CREB5: variants seen among roughly 807,000 people sequenced by gnomAD.
CREB5 encodes cAMP responsive element binding protein 5.
A neutral mutation model predicts 57.1 loss-of-function variants in CREB5; 19 were observed. The observed-to-expected ratio is 0.33, with a 90% CI of 0.23 to 0.49. The LOEUF is 0.49. Among genes scored for constraint, CREB5 ranks in the 20% least tolerant of loss-of-function variants. The probability of loss-of-function intolerance (pLI) is 0.99; values close to 1 mark genes in which losing one functional copy is unlikely to be tolerated. For synonymous variants in CREB5, 238 were observed against 238.3 expected (o/e 1.00, Z 0.01); for missense variants, 579 against 671.6 (o/e 0.86, Z 1.52).
At chr7:28,555,547 A>G (rs1400758734) in intron 4 of CREB5, among the ~76,000 whole-genome samples, 2 of 152,218 alleles carry the variant, frequency 1.3e-5, no homozygotes, top group African/African-American at 2.4e-5. Context: ...AGCAAACTAT[A>G]TAGGTGTGAA....
At position 28,484,836 on chromosome 7, in the gene CREB5, T is replaced by C. The variant is rs373581075; in HGVS notation, c.4-3339T>C. On this transcript the variant is annotated intron_variant, in intron 1 of 10. Coordinates refer to ENST00000357727, the MANE Select transcript of CREB5 (RefSeq NM_182898.4). ...CTGACATATCTCAGTGGCTAACAGATTAGATTGCTCATATTCCTCTAAACA... is the reference window on the plus strand; with the variant it reads ...CTGACATATCTCAGTGGCTAACAGACTAGATTGCTCATATTCCTCTAAACA... Among the ~76,000 whole-genome samples, 9 of 152,196 alleles carry C rather than the reference T, an allele frequency of 5.9e-5. No individual in the cohort carries two copies. In the East Asian group the frequency reaches 1.2e-3, roughly 20 times the overall value.
chr7:28,456,974 C>A (rs565102001), intron 1 of CREB5, among the ~76,000 whole-genome samples: 179 of 152,268 alleles, frequency 1.2e-3, no homozygotes, highest in African/African-American at 4.3e-3. Flanking sequence ...GCCAAGGAAG[C>A]CCAAGAACAT....
At chr7:28,383,101 C>T (rs1786997832) in intron 1 of CREB5, among the ~76,000 whole-genome samples, 1 of 152,090 alleles carries the variant, frequency 6.6e-6, no homozygotes, top group South Asian at 2.1e-4. Flanking sequence ...ATAGATTCTA[C>T]AGAATGAAGC....
At chr7:28,386,279 T>C (rs981412118) in intron 1 of CREB5, among the ~76,000 whole-genome samples, 2 of 152,254 alleles carry the variant, frequency 1.3e-5, no homozygotes, top group Admixed American at 6.5e-5. Flanking sequence ...GTGTAAAATG[T>C]ATTTTACCCT....
At chr7:28,430,151 T>G (rs1238031170) in intron 1 of CREB5, among the ~76,000 whole-genome samples, 1 of 152,238 alleles carries the variant, frequency 6.6e-6, no homozygotes, top group Non-Finnish European at 1.5e-5. Flanking sequence ...GGATACATAT[T>G]TGTGTATTAC....
In CREB5 at chr7:28,809,407, A is replaced by G; in HGVS notation, c.1247A>G (p.Gln416Arg). ...GAAGAACTCACCCAGACAAACATGC[A>G]GCTTCAGGTGCAGCCCACGGTGTCT... Reference protein sequence around the residue: ...KAEELTQTNMQLQNEVSMLKN... With the variant: ...KAEELTQTNMRLQNEVSMLKN... The change falls in exon 9 of 11, where the codon CAG becomes CGG. Residue 416 changes from glutamine to arginine, a missense_variant. Gln to Arg is a conservative substitution (Grantham distance 43). This residue lies in a region of CREB5 where 114 missense variants were observed against 130.8 expected (regional missense o/e 0.87). Coordinates refer to ENST00000357727, the MANE Select transcript of CREB5 (RefSeq NM_182898.4). 1 of 1,611,324 alleles carries G rather than the reference A, an allele frequency of 6.2e-7. No individual in the cohort carries two copies. The highest frequency in any genetic ancestry group is 8.5e-7 in the Non-Finnish European group (1 of 1,178,698).
chr7:28,552,783 G>T (rs1332555816), intron 4 of CREB5, among the ~76,000 whole-genome samples: 5 of 152,196 alleles, frequency 3.3e-5, no homozygotes, highest in Admixed American at 3.3e-4. Context: ...GTCCACTAGG[G>T]ATGGCTTTTG....
chr7:28,306,855 C>T lies in CREB5; in HGVS notation c.-25+7414C>T, dbSNP rs547249560. ...GGATTACAGGCGTGAGCCACCGCGC[C>T]CGGCCACAGATACAGTTTTATAGAT... On this transcript the variant is annotated intron_variant, in intron 1 of 9. Transcript: ENST00000396299. 3.3e-5 allele frequency among the ~76,000 whole-genome samples: 5 copies of T among 152,200 alleles called. No individual in the cohort carries two copies. In the South Asian group the frequency reaches 1.0e-3, roughly 32 times the overall value.
At chr7:28,815,020 C>T (rs930778856) in intron 9 of CREB5, among the ~76,000 whole-genome samples, 10 of 152,188 alleles carry the variant, frequency 6.6e-5, no homozygotes, top group African/African-American at 1.9e-4. Flanking sequence ...CCTGTAATCC[C>T]AGCACTTGGG....
intron 3 of CREB5, among the ~76,000 whole-genome samples, chr7:28,496,101 G>C (rs1792031835): frequency 6.6e-6 from 1 of 152,134 alleles, no homozygotes; most frequent in Non-Finnish European, 1.5e-5. Context: ...GGGAATGATT[G>C]TGTCTGCCAA....
chr7:28,645,839 G>A (rs1006408607), intron 5 of CREB5, among the ~76,000 whole-genome samples: 1 of 152,172 alleles, frequency 6.6e-6, no homozygotes, highest in African/African-American at 2.4e-5. Context: ...TTAGCATTTG[G>A]ATCAGTAGAC....
intron 4 of CREB5, among the ~76,000 whole-genome samples, chr7:28,540,490 G>C (rs948024720): frequency 1.3e-5 from 2 of 152,124 alleles, no homozygotes; most frequent in African/African-American, 4.8e-5. Context: ...GGCTGCACAA[G>C]GGATACGGGA....
chr7:28,402,288 C>A (rs42703), intron 1 of CREB5, among the ~76,000 whole-genome samples: 150,535 of 152,306 alleles, frequency 0.99, 74,409 homozygotes, highest in East Asian at 1. Flanking sequence ...AATTTGTTTA[C>A]GTTCTTTGTA....
intron 6 of CREB5, among the ~76,000 whole-genome samples, chr7:28,720,559 G>A (rs952549167): frequency 6.6e-6 from 1 of 152,144 alleles, no homozygotes; most frequent in Admixed American, 6.5e-5. Flanking sequence ...GGGGAACGGC[G>A]AAGGGCCCGC....
intron 5 of CREB5, among the ~76,000 whole-genome samples, chr7:28,715,028 T>C (rs1276311077): frequency 6.6e-6 from 1 of 152,206 alleles, no homozygotes; most frequent in Non-Finnish European, 1.5e-5. Flanking sequence ...GTCTAACTGA[T>C]GTGTTGTTTG....
chr7:28,673,821 A>T (rs1800183969), intron 5 of CREB5, among the ~76,000 whole-genome samples: 1 of 151,744 alleles, frequency 6.6e-6, no homozygotes, highest in Admixed American at 6.6e-5. Flanking sequence ...CTACAGGCGT[A>T]CACCACCACA....
intron 7 of CREB5, among the ~76,000 whole-genome samples, chr7:28,726,124 G>T (rs1803322977): frequency 6.6e-6 from 1 of 152,128 alleles, no homozygotes; most frequent in African/African-American, 2.4e-5. Context: ...CCCCACAAAT[G>T]TTTGTTGGGT....
Position 28,560,903 on chromosome 7 carries a change from C to CGT in CREB5, c.292-9461_292-9460insTG, listed in dbSNP as rs1477125869. 9.3e-3 allele frequency among the ~76,000 whole-genome samples: 244 copies of CGT among 26,128 alleles called. 18 individuals are homozygous for CGT. Among genetic ancestry groups the CGT allele is most frequent in the Middle Eastern group, 0.028 (1 of 36 alleles). The allele number at this position is 26,128 out of a possible 152,430, so 17.1% of individuals were successfully genotyped here. ...GCGTGCGTGCGTGTGTGTGCGTGCG[C>CGT]GCGTGCGTGTGCGTGTGTGCGCGTG... On this transcript the variant is annotated intron_variant, in intron 4 of 10. Coordinates refer to ENST00000357727, the MANE Select transcript of CREB5 (RefSeq NM_182898.4).
At chr7:28,309,787 A>G (rs1219231270) in intron 1 of CREB5, among the ~76,000 whole-genome samples, 3 of 152,210 alleles carry the variant, frequency 2.0e-5, no homozygotes, top group Non-Finnish European at 4.4e-5. Context: ...AAGCCACATC[A>G]TAGCTCCTGG....
Sources: gnomAD v4.1 joint callset for allele counts (sites outside exome capture counted in the v4.1 genomes callset) on GRCh38, gnomAD v4.1.1 for gene constraint, gnomAD v4.1.1 regional missense constraint, MANE v1.5 for transcripts, NCBI Gene and HGNC (gene_info 2026-07-23, HGNC 2026-07-21) for gene names.